Variants in TMEM120B observed in about 807,000 individuals in gnomAD.
TMEM120B encodes the protein transmembrane protein 120B.
In TMEM120B, 31 loss-of-function variants were observed where a neutral mutation model predicts 55.5. The observed-to-expected ratio is 0.56, with a 90% confidence interval of 0.42 to 0.75. The LOEUF is 0.75. Ranked by LOEUF, TMEM120B falls within the 30% of genes least tolerant of loss-of-function variation. TMEM120B has a pLI of 0.00. For missense variants in TMEM120B, 399 were observed against 425.5 expected (o/e 0.94, Z 0.55); for synonymous variants, 203 against 176.3 (o/e 1.15, Z -1.20).
intron 6 of TMEM120B, 75 bp downstream of exon 6, chr12:121,761,813 G>A: frequency 1.7e-6 from 2 of 1,175,584 alleles, no homozygotes; most frequent in Non-Finnish European, 2.5e-6. Flanking sequence ...TCAGATGGGG[G>A]CCGACACCCT....
chr12:121,750,574 A>ACCTCAC (rs1873248728), intron 4 of TMEM120B, 135 bp downstream of exon 4: 1 of 627,746 alleles, frequency 1.6e-6, no homozygotes, highest in African/African-American at 2.2e-5. Flanking sequence ...TCAAACCCAC[A>ACCTCAC]CCCACACTCC....
chr12:121,730,808 A>G (rs1894987244), intron 1 of TMEM120B, among the ~76,000 whole-genome samples: 1 of 151,336 alleles, frequency 6.6e-6, no homozygotes, highest in Non-Finnish European at 1.5e-5. Flanking sequence ...AAATACAAAA[A>G]TTAGCTGGGC....
intron 6 of TMEM120B, among the ~76,000 whole-genome samples, chr12:121,769,451 A>G (rs143653343): frequency 6.6e-6 from 1 of 152,250 alleles, no homozygotes; most frequent in East Asian, 1.9e-4. Context: ...CACGACTATA[A>G]TCCTAGCACT....
At chr12:121,768,397 C>T (rs1873915086) in intron 6 of TMEM120B, among the ~76,000 whole-genome samples, 1 of 152,198 alleles carries the variant, frequency 6.6e-6, no homozygotes, top group African/African-American at 2.4e-5. Context: ...AACACACAGG[C>T]TGTTGCTTGA....
At chr12:121,714,186 G>A (rs1170098760) in intron 1 of TMEM120B, among the ~76,000 whole-genome samples, 1 of 152,102 alleles carries the variant, frequency 6.6e-6, no homozygotes, top group Non-Finnish European at 1.5e-5. Context: ...TAGGGCCTGG[G>A]TCCCATCCGG....
At chr12:121,758,126 A>C in intron 5 of TMEM120B, 1 of 982,666 alleles carries the variant, frequency 1.0e-6, no homozygotes, top group African/African-American at 1.7e-5. Flanking sequence ...TGCCAAAGAC[A>C]GAGCCTTTGT....
At chr12:121,752,280 C>T (rs1039780895) in intron 5 of TMEM120B, 57 bp downstream of exon 5, 31 of 1,478,232 alleles carry the variant, frequency 2.1e-5, no homozygotes, top group Admixed American at 1.5e-4. Context: ...AGGTGGGGGC[C>T]GGGAGAGAGG....
At chr12:121,751,335 C>T (rs1446829741) in intron 4 of TMEM120B, among the ~76,000 whole-genome samples, 1 of 113,016 alleles carries the variant, frequency 8.8e-6, no homozygotes, top group African/African-American at 3.5e-5. Flanking sequence ...CCACACCACA[C>T]ACCCCACACC....
In TMEM120B at chr12:121,775,788, C is replaced by T; in HGVS notation, c.*66C>T. On this transcript the variant is annotated 3_prime_UTR_variant, in exon 12 of 12. Coordinates refer to ENST00000449592, the MANE Select transcript of TMEM120B (RefSeq NM_001080825.2). The surrounding 1 kb of genome is among the most constrained non-coding windows in gnomAD (Gnocchi z 4.3). ...AGGGGGCTCCCGGGCTCCTTCCCAGCAGCCCTCTCAGGCCCGTGGCATCGC... is the reference window on the plus strand; with the variant it reads ...AGGGGGCTCCCGGGCTCCTTCCCAGTAGCCCTCTCAGGCCCGTGGCATCGC... 3 of 1,541,922 alleles carry T rather than the reference C, an allele frequency of 1.9e-6. No individual in the cohort carries two copies. The highest frequency in any genetic ancestry group is 2.7e-6 in the Non-Finnish European group (3 of 1,123,868).
At chr12:121,760,700 C>T (rs1873649400) in intron 5 of TMEM120B, among the ~76,000 whole-genome samples, 1 of 152,074 alleles carries the variant, frequency 6.6e-6, no homozygotes, top group South Asian at 2.1e-4. Flanking sequence ...AGGGAGATTG[C>T]CTTTCCCTGG....
At chr12:121,730,120 G>A (rs906486877) in intron 1 of TMEM120B, among the ~76,000 whole-genome samples, 4 of 149,148 alleles carry the variant, frequency 2.7e-5, no homozygotes, top group African/African-American at 4.9e-5. Flanking sequence ...TTAGCTGGGC[G>A]TGGTAGCAGG....
chr12:121,759,234 C>G (rs1873589797), intron 5 of TMEM120B, among the ~76,000 whole-genome samples: 1 of 141,976 alleles, frequency 7.0e-6, no homozygotes. Context: ...TCTTAAAGTT[C>G]TCCCGTTAGT....
At chr12:121,718,545 G>GT (rs1339367073) in intron 1 of TMEM120B, among the ~76,000 whole-genome samples, 1 of 151,986 alleles carries the variant, frequency 6.6e-6, no homozygotes, top group Non-Finnish European at 1.5e-5. Context: ...TGACAACCCT[G>GT]TTTTTTAGAT....
intron 4 of TMEM120B, among the ~76,000 whole-genome samples, chr12:121,751,684 C>T (rs1382091575): frequency 7.4e-6 from 1 of 135,870 alleles, no homozygotes; most frequent in Non-Finnish European, 1.6e-5. Flanking sequence ...TCCTCCAAGT[C>T]AGTATGTTGG....
At position 121,775,139 on chromosome 12, in the gene TMEM120B, G is replaced by T; in HGVS notation, c.906+9G>T. 6.2e-7 allele frequency: 1 copy of T among 1,606,510 alleles called. No individual in the cohort carries two copies. The highest frequency in any genetic ancestry group is 1.1e-5 in the South Asian group (1 of 90,556). ...AATGCAGAGAATGGCAGGTATGGGGGGTGGGGGCATGCTCGGGGGAGGTTC... is the reference window on the plus strand; with the variant it reads ...AATGCAGAGAATGGCAGGTATGGGGTGTGGGGGCATGCTCGGGGGAGGTTC... On this transcript the variant is annotated intron_variant, in intron 11 of 11. Transcript: ENST00000449592. The surrounding 1 kb of genome is among the most constrained non-coding windows in gnomAD (Gnocchi z 4.3).
At chr12:121,730,194 G>T (rs1223965523) in intron 1 of TMEM120B, among the ~76,000 whole-genome samples, 1 of 151,766 alleles carries the variant, frequency 6.6e-6, no homozygotes, top group African/African-American at 2.4e-5. Context: ...AGGAAGCGGA[G>T]GTTGCAGTGA....
chr12:121,758,764 C>CCCCGT (rs1873568797), intron 5 of TMEM120B: 1 of 971,512 alleles, frequency 1.0e-6, no homozygotes, highest in Non-Finnish European at 1.2e-6. Flanking sequence ...CCCAGCCCTG[C>CCCCGT]GCTGTGGTCA....
chr12:121,771,425 G>T, intron 7 of TMEM120B, 63 bp from the exon 8 acceptor site: 1 of 1,403,320 alleles, frequency 7.1e-7, no homozygotes. Context: ...TGGAGTTGGG[G>T]CGGGGAGGAA....
intron 1 of TMEM120B, among the ~76,000 whole-genome samples, chr12:121,731,290 C>G (rs1015765923): frequency 6.6e-6 from 1 of 151,932 alleles, no homozygotes; most frequent in Non-Finnish European, 1.5e-5. Flanking sequence ...CTTGCTTTGT[C>G]GCCCAGGCTG....
Sources: gnomAD v4.1 joint callset for allele counts (sites outside exome capture counted in the v4.1 genomes callset) on GRCh38, gnomAD v4.1.1 for gene constraint, Gnocchi (gnomAD v3.1) non-coding constraint, MANE v1.5 for transcripts, NCBI Gene and HGNC (gene_info 2026-07-23, HGNC 2026-07-21) for gene names.